Variants in DENND4C observed in about 807,000 individuals in gnomAD.
The protein encoded by DENND4C is DENN domain-containing protein 4C.
Under a neutral mutation model 203.0 loss-of-function variants are expected in DENND4C, and 108 were observed. That is an observed-to-expected ratio of 0.53 (90% CI 0.46 to 0.62). The LOEUF is 0.62. DENND4C is among the 20% of genes least tolerant of loss of function. The pLI is 0.00. For missense variants in DENND4C, 2,481 were observed against 2,301.2 expected (o/e 1.08, Z -1.60); for synonymous variants, 871 against 792.4 (o/e 1.10, Z -1.67).
Position 19,346,856 on chromosome 9 carries a change from AC to A in DENND4C, c.4092del (p.Ser1365LeufsTer26), listed in dbSNP as rs957338687. On this transcript the variant is annotated frameshift_variant, in exon 23 of 33. Coordinates refer to ENST00000434457, the MANE Select transcript of DENND4C (RefSeq NM_001330640.2). LOFTEE classifies it high-confidence loss of function. ...KTFTGRFKQQ[T>X]PSRTHKERST... ...TTTTACTGGGCGTTTCAAGCAGCAA[AC>A]CCCCTCTCGAACTCATAAAGAACGT... 1 of 1,614,104 alleles carries A rather than the reference AC, an allele frequency of 6.2e-7. No individual in the cohort carries two copies. The highest frequency in any genetic ancestry group is 8.5e-7 in the Non-Finnish European group (1 of 1,180,020).
intron 30 of DENND4C, among the ~76,000 whole-genome samples, chr9:19,367,648 A>G (rs1191450038): frequency 6.6e-6 from 1 of 152,252 alleles, no homozygotes; most frequent in African/African-American, 2.4e-5. Flanking sequence ...ATGAGGCAGG[A>G]GAATCACTTG....
intron 26 of DENND4C, 131 bp from the exon 27 acceptor site, chr9:19,356,841 G>A (rs1404418702): frequency 3.0e-5 from 24 of 806,328 alleles, no homozygotes; most frequent in South Asian, 7.4e-5. Context: ...GAAATAGGCC[G>A]TGTTTTCCTT....
chr9:19,264,262 T>A (rs34646913), intron 1 of DENND4C, among the ~76,000 whole-genome samples: 26,588 of 151,990 alleles, frequency 0.17, 2,416 homozygotes, highest in Admixed American at 0.21. Flanking sequence ...CAGTTTCTTC[T>A]ACGTTTTCCA....
At chr9:19,333,663 A>T (rs564353880) in intron 17 of DENND4C, among the ~76,000 whole-genome samples, 1 of 152,298 alleles carries the variant, frequency 6.6e-6, no homozygotes, top group East Asian at 1.9e-4. Context: ...TCAGTGAATG[A>T]TATACTAGAC....
Position 19,309,150 on chromosome 9 carries a change from T to C in DENND4C, c.1487+3623T>C, listed in dbSNP as rs140345847. ...TCTAAAATTGCTTGTAGGCCGGGAG[T>C]GGTGGCTCACGCCTGTAATCCCAGT... On this transcript the variant is annotated intron_variant, in intron 10 of 32. Transcript: ENST00000434457. 5.4e-4 allele frequency among the ~76,000 whole-genome samples: 82 copies of C among 152,034 alleles called. No individual in the cohort carries two copies. The East Asian group carries it at 0.012, about 23-fold the overall frequency.
intron 26 of DENND4C, 29 bp downstream of exon 26, chr9:19,352,694 G>GT: frequency 6.7e-7 from 1 of 1,501,236 alleles, no homozygotes; most frequent in Non-Finnish European, 8.9e-7. Flanking sequence ...CTCTCAAGAA[G>GT]TAAGTACCCT....
intron 1 of DENND4C, among the ~76,000 whole-genome samples, chr9:19,238,675 C>G (rs1342253986): frequency 3.9e-5 from 4 of 101,940 alleles, no homozygotes; most frequent in African/African-American, 1.5e-4. Flanking sequence ...TTTTTTGAGA[C>G]AGAATTTCGC....
At chr9:19,367,069 C>T (rs1292178197) in intron 30 of DENND4C, among the ~76,000 whole-genome samples, 1 of 152,148 alleles carries the variant, frequency 6.6e-6, no homozygotes, top group Non-Finnish European at 1.5e-5. Flanking sequence ...ATAAAATGTT[C>T]AAATGGCCAA....
At chr9:19,307,328 G>C (rs938174267) in intron 10 of DENND4C, among the ~76,000 whole-genome samples, 54 of 149,138 alleles carry the variant, frequency 3.6e-4, no homozygotes, top group African/African-American at 1.3e-3. Context: ...CCAGGAGGTC[G>C]AGGCTGCAGT....
intron 12 of DENND4C, among the ~76,000 whole-genome samples, chr9:19,323,290 C>T (rs144001606): frequency 0.019 from 2,908 of 152,076 alleles, 93 homozygotes; most frequent in African/African-American, 0.066. Flanking sequence ...ATTAGCCAGT[C>T]GTGGTGATGG....
intron 6 of DENND4C, 118 bp downstream of exon 6, chr9:19,296,364 C>T (rs971298152): frequency 3.9e-4 from 187 of 480,634 alleles, no homozygotes; most frequent in South Asian, 6.0e-4. Flanking sequence ...TTTAACTGAA[C>T]TTTTTTTTTT....
intron 2 of DENND4C, among the ~76,000 whole-genome samples, chr9:19,281,137 C>T (rs1833970094): frequency 6.6e-6 from 1 of 152,142 alleles, no homozygotes; most frequent in African/African-American, 2.4e-5. Context: ...ATTGTTGTTG[C>T]TTGTGATACA....
rs35262354 is a variant in DENND4C at position 19,350,443 on chromosome 9, C to T, written c.4318-259C>T. On this transcript the variant is annotated intron_variant, in intron 23 of 32. Transcript: ENST00000434457. ...TAGAATTCTGTTATTTTATAAGATT[C>T]AATATTGAGAGACACCCAGACCTCC... is the stretch of plus-strand genomic sequence containing the variant. 1.5e-3 allele frequency among the ~76,000 whole-genome samples: 230 copies of T among 152,218 alleles called. 1 individual carries two copies. The highest frequency in any genetic ancestry group is 2.5e-3 in the Non-Finnish European group (169 of 68,016).
intron 10 of DENND4C, among the ~76,000 whole-genome samples, chr9:19,309,891 C>G (rs1840407925): frequency 6.6e-6 from 1 of 152,012 alleles, no homozygotes; most frequent in Non-Finnish European, 1.5e-5. Context: ...ACCTTTTTGA[C>G]ACACGTTGAA....
chr9:19,301,544 C>T (rs1009580271), intron 9 of DENND4C, among the ~76,000 whole-genome samples: 1 of 152,158 alleles, frequency 6.6e-6, no homozygotes, highest in Non-Finnish European at 1.5e-5. Context: ...CAGGAGGATC[C>T]TCATTAAGTA....
chr9:19,273,861 G>GT (rs1832293401), intron 1 of DENND4C, among the ~76,000 whole-genome samples: 2 of 152,012 alleles, frequency 1.3e-5, no homozygotes, highest in African/African-American at 4.8e-5. Context: ...CTATTAGGTA[G>GT]TTTTTTAGAA....
At chr9:19,259,903 A>G (rs1476673365) in intron 1 of DENND4C, among the ~76,000 whole-genome samples, 1 of 152,188 alleles carries the variant, frequency 6.6e-6, no homozygotes, top group Non-Finnish European at 1.5e-5. Flanking sequence ...GGCTATTGTG[A>G]ATAGTGCTGC....
At chr9:19,307,769 C>CCA (rs1839982884) in intron 10 of DENND4C, among the ~76,000 whole-genome samples, 1 of 89,212 alleles carries the variant, frequency 1.1e-5, no homozygotes, top group African/African-American at 4.0e-5. Context: ...GACTCTGTCT[C>CCA]AAAAAAAAAA....
chr9:19,332,066 T>G lies in DENND4C; in HGVS notation c.2342T>G (p.Leu781Ter). The change falls in exon 17 of 33, where the codon TTA becomes TGA. Residue 781 changes from leucine to a stop codon, truncating the protein, a stop_gained. Transcript: ENST00000434457. LOFTEE classifies it high-confidence loss of function. Reference protein sequence around the residue: ...AKCLFSHCYSLWFICLPAYVR... With the variant: ...AKCLFSHCYS ...TGTCTGTTTAGTCATTGTTACAGTT[T>G]ATGGTTTATTTGTCTTCCGGCCTAT... 1 of 1,614,106 alleles carries G rather than the reference T, an allele frequency of 6.2e-7. No homozygotes were observed. The highest frequency in any genetic ancestry group is 8.5e-7 in the Non-Finnish European group (1 of 1,179,990).
Sources: allele counts gnomAD v4.1 joint callset (sites outside exome capture counted in the v4.1 genomes callset), GRCh38; gene constraint gnomAD v4.1.1; transcripts MANE v1.5; gene names NCBI Gene and HGNC (gene_info 2026-07-23, HGNC 2026-07-21).